The following COL5A2 variants were observed in gnomAD, a reference collection of about 807,000 sequenced individuals.
COL5A2 encodes the protein collagen alpha-2(V) chain.
COL5A2 carries 23 observed loss-of-function variants against 208.2 expected under a neutral mutation model. The ratio of observed to expected loss-of-function variants is 0.11; its 90% confidence interval spans 0.08 to 0.16. The LOEUF (loss-of-function observed/expected upper bound fraction) is 0.16, where lower values mean the gene tolerates loss of function less well. Ranked by LOEUF, COL5A2 falls within the 10% of genes least tolerant of loss-of-function variation. The probability of loss-of-function intolerance (pLI) is 1.00; values close to 1 mark genes in which losing one functional copy is unlikely to be tolerated. For synonymous variants in COL5A2, 625 were observed against 628.5 expected (o/e 0.99, Z 0.08); for missense variants, 1,590 against 1,956.4 (o/e 0.81, Z 3.53).
the COL5A2 span, among the ~76,000 whole-genome samples, chr2:189,359,531 T>G: frequency 6.6e-6 from 1 of 152,164 alleles, no homozygotes; most frequent in African/African-American, 2.4e-5. Context: ...GTAGCTTTCG[T>G]TTTTGGTGCG....
chr2:189,267,005 A>G, the COL5A2 span, among the ~76,000 whole-genome samples: 1 of 151,702 alleles, frequency 6.6e-6, no homozygotes, highest in Non-Finnish European at 1.5e-5. Context: ...ATATTAATAA[A>G]ATGATAAATG....
chr2:189,216,906 C>T (rs1689285796), intron 1 of COL5A2, among the ~76,000 whole-genome samples: 1 of 151,924 alleles, frequency 6.6e-6, no homozygotes, highest in South Asian at 2.1e-4. Flanking sequence ...ATGGGCAGAT[C>T]CATGGATACT....
chr2:189,179,803 G>C (rs1688749771), upstream of COL5A2: 4 of 761,152 alleles, frequency 5.3e-6, no homozygotes, highest in South Asian at 5.4e-5. Context: ...TAGGAAGAAT[G>C]CTGCCTCCAC....
At chr2:189,437,095 C>T in the COL5A2 span, among the ~76,000 whole-genome samples, 10 of 152,020 alleles carry the variant, frequency 6.6e-5, no homozygotes, top group Admixed American at 5.9e-4. Flanking sequence ...CCAAGATCAG[C>T]GCTACTGATT....
At chr2:189,428,589 G>A in the COL5A2 span, among the ~76,000 whole-genome samples, 1 of 152,024 alleles carries the variant, frequency 6.6e-6, no homozygotes, top group South Asian at 2.1e-4. Flanking sequence ...CTGCACTCCA[G>A]CCTCAGTGAC....
the COL5A2 span, among the ~76,000 whole-genome samples, chr2:189,269,998 C>T: frequency 7.9e-5 from 12 of 152,134 alleles, no homozygotes; most frequent in African/African-American, 2.9e-4. Flanking sequence ...TCCATTTCTT[C>T]TAGATTTTCT....
intron 1 of COL5A2, among the ~76,000 whole-genome samples, chr2:189,166,897 G>A (rs544006588): frequency 6.6e-6 from 1 of 152,288 alleles, no homozygotes; most frequent in South Asian, 2.1e-4. Context: ...TCCCCATGAG[G>A]CTCGGAAAGA....
intron 1 of COL5A2, among the ~76,000 whole-genome samples, chr2:189,201,418 T>C (rs1689066775): frequency 6.6e-6 from 1 of 151,204 alleles, no homozygotes; most frequent in Non-Finnish European, 1.5e-5. Flanking sequence ...ATATACAGAA[T>C]GCAACACAGG....
intron 2 of COL5A2, among the ~76,000 whole-genome samples, chr2:189,105,562 A>C (rs1192065820): frequency 6.6e-6 from 1 of 151,352 alleles, no homozygotes; most frequent in African/African-American, 2.4e-5. Flanking sequence ...TTGATATTTT[A>C]ATTATTTATA....
At chr2:189,339,258 T>C in the COL5A2 span, among the ~76,000 whole-genome samples, 6 of 150,948 alleles carry the variant, frequency 4.0e-5, no homozygotes, top group Admixed American at 3.3e-4. Context: ...GGCTGAGGCA[T>C]GACAATTGCT....
At chr2:189,110,158 T>C in intron 2 of COL5A2, 67 bp downstream of exon 2, 1 of 1,192,378 alleles carries the variant, frequency 8.4e-7, no homozygotes, top group Non-Finnish European at 1.3e-6. Context: ...ATGCTGAAAG[T>C]GAAAAACACT....
chr2:189,258,032 T>G, the COL5A2 span, among the ~76,000 whole-genome samples: 1 of 152,086 alleles, frequency 6.6e-6, no homozygotes, highest in African/African-American at 2.4e-5. Context: ...GAGAATGGCA[T>G]GAACCTGGGA....
chr2:189,218,887 A>C (rs77867195), intron 1 of COL5A2, among the ~76,000 whole-genome samples: 1,970 of 152,292 alleles, frequency 0.013, 51 homozygotes, highest in African/African-American at 0.044. Context: ...AGAAAAAAAA[A>C]ATGAACTTCT....
the COL5A2 span, among the ~76,000 whole-genome samples, chr2:189,310,206 G>A: frequency 1.2e-4 from 19 of 152,056 alleles, no homozygotes; most frequent in Non-Finnish European, 2.5e-4. Context: ...ATGCCACAAC[G>A]TGGTTTTCCA....
chr2:189,099,699 A>G lies in COL5A2; in HGVS notation c.369+408T>C, dbSNP rs547314405. Among the ~76,000 whole-genome samples the G allele has an allele frequency of 4.5e-4, 69 of 152,328 alleles. 3 individuals carry two copies. In the South Asian group the frequency reaches 0.014, roughly 31 times the overall value. On this transcript the variant is annotated intron_variant, in intron 4 of 53. Transcript: ENST00000374866. The stretch of plus-strand genomic sequence containing the variant: ...GAGCTTTAATCCTGTTTAGTAACAT[A>G]CTTCTTGATCCATTTACAAGTTTAA...
chr2:189,214,526 G>C lies in COL5A2; in HGVS notation c.-42+10622C>G, dbSNP rs150233818. 3.0e-4 allele frequency among the ~76,000 whole-genome samples: 46 copies of C among 152,110 alleles called. No individual in the cohort carries two copies. In the East Asian group the frequency reaches 7.3e-3, roughly 24 times the overall value. The stretch of plus-strand genomic sequence containing the variant: ...ATGACGAAAAATCCTCATAGAGTTT[G>C]TTTCTGGGAAGTGAAATTACAGAGT... On this transcript the variant is annotated intron_variant, in intron 1 of 10. Coordinates refer to the COL5A2 transcript ENST00000649966.
chr2:189,032,332 T>C lies in COL5A2; in HGVS notation c.*1738A>G, dbSNP rs1404944740. 6.6e-6 allele frequency: 1 copy of C among 152,136 alleles called. No individual in the cohort carries two copies. Among genetic ancestry groups the C allele is most frequent in the Non-Finnish European group, 1.5e-5 (1 of 67,990 alleles). The allele number at this position is 152,136 out of a possible 1,614,324, so 9.4% of individuals were successfully genotyped here. A position where few individuals can be genotyped will look rare whatever the true frequency, so the allele number is the denominator to read the frequency against. The stretch of plus-strand genomic sequence containing the variant: ...AGAGGCAGTGATAATTGGTGTCATG[T>C]TGCCTTTGTGGGTAATGTTGTAGAT... On this transcript the variant is annotated 3_prime_UTR_variant, in exon 54 of 54. Transcript: ENST00000374866.
intron 1 of COL5A2, among the ~76,000 whole-genome samples, chr2:189,126,221 C>A (rs371421407): frequency 2.0e-5 from 3 of 151,874 alleles, no homozygotes; most frequent in African/African-American, 7.2e-5. Context: ...AAGAAAAAAA[C>A]CAATATGATA....
intron 2 of COL5A2, among the ~76,000 whole-genome samples, chr2:189,108,950 A>G (rs1452779032): frequency 1.4e-5 from 2 of 141,384 alleles, no homozygotes; most frequent in African/African-American, 2.6e-5. Flanking sequence ...TTCTTTCTTA[A>G]AGAGAATTAC....
Sources: allele counts gnomAD v4.1 joint callset (sites outside exome capture counted in the v4.1 genomes callset), GRCh38; gene constraint gnomAD v4.1.1; transcripts MANE v1.5; gene names NCBI Gene and HGNC (gene_info 2026-07-23, HGNC 2026-07-21).